The following SDR42E1 variants were observed in gnomAD, a reference collection of about 807,000 sequenced individuals.
SDR42E1 encodes short chain dehydrogenase/reductase family 42E, member 1.
A neutral mutation model predicts 2.6 loss-of-function variants in SDR42E1; 5 were observed. The ratio of observed to expected loss-of-function variants is 1.94; its 90% CI spans 1.01 to 4.08. The LOEUF (loss-of-function observed/expected upper bound fraction) is 4.08, where lower values mean the gene tolerates loss of function less well. SDR42E1 is among the 30% of genes most tolerant of loss of function. The pLI is 0.00. For missense variants in SDR42E1, 596 were observed against 478.6 expected, an observed-to-expected ratio of 1.25 and a Z score of -2.29; for synonymous variants, 231 against 188.3, an observed-to-expected ratio of 1.23 and a Z score of -1.86.
Position 81,994,687 on chromosome 16 carries a change from G to A in SDR42E1, c.*4424C>T, listed in dbSNP as rs1456079539. On this transcript the variant is annotated 3_prime_UTR_variant, in exon 3 of 3. Transcript: ENST00000328945. The stretch of plus-strand genomic sequence containing the variant: ...CCAAGGCCAGCCAGCAGGGGCACCA[G>A]TGGCCCTATAATGATGTCTAATTGG... The A allele has an allele frequency of 6.6e-6, 1 of 152,194 alleles. No homozygotes were observed. Among genetic ancestry groups the A allele is most frequent in the East Asian group, 1.9e-4 (1 of 5,196 alleles). 9.4% of individuals were successfully genotyped at this position (152,194 alleles called of 1,614,324 possible). A position where few individuals can be genotyped will look rare whatever the true frequency, so the allele number is the denominator to read the frequency against.
intron 1 of SDR42E1, among the ~76,000 whole-genome samples, chr16:82,005,070 C>T (rs1162432154): frequency 6.6e-6 from 1 of 152,214 alleles, no homozygotes; most frequent in African/African-American, 2.4e-5. Flanking sequence ...TGAAAATGGA[C>T]AAGGCCTTCA....
rs1912425024 is a variant in SDR42E1, at chr16:81,991,398, A to G, written c.*7713T>C. 3 of 152,152 alleles carry G rather than the reference A, an allele frequency of 2.0e-5. No homozygotes were observed. Among genetic ancestry groups the G allele is most frequent in the Admixed American group, 2.0e-4 (3 of 15,286 alleles). The allele number at this position is 152,152 out of a possible 1,614,324, so 9.4% of individuals were successfully genotyped here. A position where few individuals can be genotyped will look rare whatever the true frequency, so the allele number is the denominator to read the frequency against. The stretch of plus-strand genomic sequence containing the variant: ...ACTTAGCCTTGAATAATGTCATGCT[A>G]ACGTGATAAAACCACCTCCAACAAG... On this transcript the variant is annotated 3_prime_UTR_variant, in exon 3 of 3. Coordinates refer to ENST00000328945, the MANE Select transcript of SDR42E1 (RefSeq NM_145168.3).
rs1567560676 is a variant in SDR42E1, at chr16:81,993,819, AC to A, written c.*5291del. On this transcript the variant is annotated 3_prime_UTR_variant, in exon 3 of 3. Transcript: ENST00000328945. Reference sequence around the variant, plus strand: ...ATTTCCATATAAAACAAGAGTTTGAACTACTCTGCTTAAAGGTATGTTGGTG... The same window carrying A: ...ATTTCCATATAAAACAAGAGTTTGAATACTCTGCTTAAAGGTATGTTGGTG... 3 of 152,234 alleles carry A rather than the reference AC, an allele frequency of 2.0e-5. No homozygotes were observed. The highest frequency in any genetic ancestry group is 7.2e-5 in the African/African-American group (3 of 41,460). The allele number at this position is 152,234 out of a possible 1,614,324, so 9.4% of individuals were successfully genotyped here.
rs1443575315 is a variant in SDR42E1, at chr16:81,993,002, T to C, written c.*6109A>G. On this transcript the variant is annotated 3_prime_UTR_variant, in exon 3 of 3. Transcript: ENST00000328945. Reference sequence around the variant, plus strand: ...AGGTAACCAGGCACAACAAGATGTGTTGCCAAAGAATCCCTTTGGCTCAAG... The same window carrying C: ...AGGTAACCAGGCACAACAAGATGTGCTGCCAAAGAATCCCTTTGGCTCAAG... 2.0e-5 allele frequency: 3 copies of C among 152,188 alleles called. No homozygotes were observed. Among genetic ancestry groups the C allele is most frequent in the Non-Finnish European group, 4.4e-5 (3 of 68,026 alleles). The allele number at this position is 152,188 out of a possible 1,614,324, so 9.4% of individuals were successfully genotyped here. A position where few individuals can be genotyped will look rare whatever the true frequency, so the allele number is the denominator to read the frequency against.
In SDR42E1 at chr16:81,997,235, C is replaced by G. The variant is rs563584437; in HGVS notation, c.*1876G>C. ...CCCCTAAAATCCTTCTGGCAAGAAG[C>G]AGGCAGAAAAAGCTTTGTAGCTGGA... is the stretch of plus-strand genomic sequence containing the variant. On this transcript the variant is annotated 3_prime_UTR_variant, in exon 3 of 3. Coordinates refer to ENST00000328945, the MANE Select transcript of SDR42E1 (RefSeq NM_145168.3). 5 of 152,204 alleles carry G rather than the reference C, an allele frequency of 3.3e-5. No individual in the cohort carries two copies. Among genetic ancestry groups the G allele is most frequent in the Non-Finnish European group, 5.9e-5 (4 of 68,042 alleles). 9.4% of individuals were successfully genotyped at this position (152,204 alleles called of 1,614,324 possible). A position where few individuals can be genotyped will look rare whatever the true frequency, so the allele number is the denominator to read the frequency against.
Position 81,990,155 on chromosome 16 carries a change from C to G in SDR42E1, c.*8956G>C, listed in dbSNP as rs1010823224. 1 of 152,132 alleles carries G rather than the reference C, an allele frequency of 6.6e-6. No homozygotes were observed. Among genetic ancestry groups the G allele is most frequent in the African/African-American group, 2.4e-5 (1 of 41,424 alleles). The allele number at this position is 152,132 out of a possible 1,614,324, so 9.4% of individuals were successfully genotyped here. A position where few individuals can be genotyped will look rare whatever the true frequency, so the allele number is the denominator to read the frequency against. On this transcript the variant is annotated 3_prime_UTR_variant, in exon 3 of 3. Transcript: ENST00000328945. ...GGTGAGACCCTGTCTCTACAAAAGACGACAGAAAAATTAGCTAGGTGTGCT... is the reference window on the plus strand; with the variant it reads ...GGTGAGACCCTGTCTCTACAAAAGAGGACAGAAAAATTAGCTAGGTGTGCT...
chr16:81,992,384 C>G lies in SDR42E1; in HGVS notation c.*6727G>C, dbSNP rs577431818. ...GGTGTTGTAATTGCCCAGCAATGTG[C>G]AAATAATTCCCCTTAAAACCTGGGC... On this transcript the variant is annotated 3_prime_UTR_variant, in exon 3 of 3. Transcript: ENST00000328945. 3.9e-5 allele frequency: 6 copies of G among 152,184 alleles called. No homozygotes were observed. The East Asian group carries it at 7.7e-4, about 20-fold the overall frequency. 9.4% of individuals were successfully genotyped at this position (152,184 alleles called of 1,614,324 possible). A position where few individuals can be genotyped will look rare whatever the true frequency, so the allele number is the denominator to read the frequency against.
In SDR42E1 at chr16:81,999,772, C is replaced by T. The variant is rs780258256; in HGVS notation, c.521G>A (p.Gly174Asp). ...LEANATPLDR[G>D]DGVLRTCALR... is the part of the protein sequence containing the mutation. ...AGCGCAGGTTCTTAAGACACCGTCG[C>T]CTCTGTCCAGGGGTGTAGCATTCGC... is the stretch of plus-strand genomic sequence containing the variant. The change falls in exon 3 of 3, where the codon GGC (glycine) becomes GAC (aspartate). Residue 174 changes from glycine to aspartate, a missense_variant. Transcript: ENST00000328945. The T allele has an allele frequency of 6.2e-6, 10 of 1,614,054 alleles. No homozygotes were observed. The highest frequency in any genetic ancestry group is 1.3e-5 in the African/African-American group (1 of 74,916).
intron 1 of SDR42E1, among the ~76,000 whole-genome samples, chr16:82,009,288 T>A (rs1382356317): frequency 1.3e-5 from 2 of 151,996 alleles, no homozygotes; most frequent in Non-Finnish European, 2.9e-5. Context: ...AGAGCTACCA[T>A]CCTCCAGACC....
intron 1 of SDR42E1, among the ~76,000 whole-genome samples, chr16:82,008,025 T>G (rs1381075624): frequency 6.6e-6 from 1 of 152,178 alleles, no homozygotes; most frequent in East Asian, 1.9e-4. Flanking sequence ...GGTAATTGAA[T>G]CATGGGGGCG....
chr16:82,010,609 A>G (rs1169273760), intron 1 of SDR42E1, among the ~76,000 whole-genome samples: 1 of 152,142 alleles, frequency 6.6e-6, no homozygotes, highest in Non-Finnish European at 1.5e-5. Context: ...AACTCAAAAT[A>G]ATGCAACCAT....
Position 82,000,068 on chromosome 16 carries a change from A to C in SDR42E1, c.225T>G (p.Cys75Trp), listed in dbSNP as rs768214139. 1.2e-6 allele frequency: 2 copies of C among 1,614,218 alleles called. No individual in the cohort carries two copies. The highest frequency in any genetic ancestry group is 4.5e-5 in the East Asian group (2 of 44,894). The change falls in exon 3 of 3, where the codon TGT (cysteine) becomes TGG (tryptophan). Residue 75 changes from cysteine to tryptophan, a missense_variant. Coordinates refer to ENST00000328945, the MANE Select transcript of SDR42E1 (RefSeq NM_145168.3). ...TACCATAAGAGGCAATATGGAACAC[A>C]CAAGTGACGTCTGCATCCTGGAAGG... ...EKAFQDADVTCVFHIASYGMS... is the reference protein window; with the variant it reads ...EKAFQDADVTWVFHIASYGMS...
At chr16:82,007,645 G>A (rs1021616301) in intron 1 of SDR42E1, 1 of 152,220 alleles carries the variant, frequency 6.6e-6, no homozygotes, top group Admixed American at 6.5e-5. Flanking sequence ...ACTGACCTGA[G>A]TCCTGTGAGG....
intron 1 of SDR42E1, among the ~76,000 whole-genome samples, chr16:82,009,889 G>T (rs1257925930): frequency 1.3e-5 from 2 of 152,230 alleles, no homozygotes; most frequent in African/African-American, 4.8e-5. Context: ...ACGTGTCCTG[G>T]GAGGGACCCA....
At chr16:82,010,905 C>A (rs1417588902) in intron 1 of SDR42E1, among the ~76,000 whole-genome samples, 1 of 152,232 alleles carries the variant, frequency 6.6e-6, no homozygotes, top group East Asian at 1.9e-4. Flanking sequence ...TCTGTCACAT[C>A]TGATTCATCT....
rs202169347 is a variant in SDR42E1, at chr16:81,999,535, A to C, written c.758T>G (p.Phe253Cys). 1.9e-6 allele frequency: 3 copies of C among 1,614,182 alleles called. No homozygotes were observed. Among genetic ancestry groups the C allele is most frequent in the Non-Finnish European group, 2.5e-6 (3 of 1,180,016 alleles). ...KGHIASGQPYFISDGRPVNNF... is the reference protein window; with the variant it reads ...KGHIASGQPYCISDGRPVNNF... ...GTTCACGGGTCTGCCATCTGAGATG[A>C]AGTAGGGCTGCCCAGAGGCAATATG... Residue 253 changes from phenylalanine to cysteine, a missense_variant, in exon 3 of 3, where the codon TTC (phenylalanine) becomes TGC (cysteine). By Grantham distance (205) the Phe-to-Cys change is radical (BLOSUM62 -2). Transcript: ENST00000328945.
Position 81,999,493 on chromosome 16 carries a change from C to T in SDR42E1, c.800G>A (p.Arg267Gln), listed in dbSNP as rs371985418. Reference sequence around the variant, plus strand: ...GTAGCCCAGGCCCTCAACCAGAGGCCGGAAGAACTCAAAGTTGTTCACGGG... The same window carrying T: ...GTAGCCCAGGCCCTCAACCAGAGGCTGGAAGAACTCAAAGTTGTTCACGGG... ...GRPVNNFEFF[R>Q]PLVEGLGYTF... The change falls in exon 3 of 3, where the codon CGG (arginine) becomes CAG (glutamine). Residue 267 changes from arginine to glutamine, a missense_variant. Transcript: ENST00000328945. 162 of 1,614,106 alleles carry T rather than the reference C, an allele frequency of 1.0e-4. No individual in the cohort carries two copies. Among genetic ancestry groups the T allele is most frequent in the African/African-American group, 6.1e-4 (46 of 75,010 alleles).
intron 2 of SDR42E1, chr16:82,000,489 C>G (rs949100933): frequency 1.5e-5 from 9 of 613,124 alleles, no homozygotes; most frequent in Non-Finnish European, 2.6e-5. Flanking sequence ...CTAGGGCCCA[C>G]TATCTATTCT....
intron 1 of SDR42E1, chr16:82,008,003 G>A (rs1266856110): frequency 7.9e-5 from 12 of 152,160 alleles, no homozygotes; most frequent in African/African-American, 2.9e-4. Flanking sequence ...GTCCTGGAGG[G>A]ACCCGGTAGG....
Sources: gnomAD v4.1 joint callset for allele counts (sites outside exome capture counted in the v4.1 genomes callset) on GRCh38, gnomAD v4.1.1 for gene constraint, MANE v1.5 for transcripts, NCBI Gene and HGNC (gene_info 2026-07-23, HGNC 2026-07-21) for gene names.